SPIRE1: variants seen among roughly 807,000 people sequenced by gnomAD.
SPIRE1 encodes spire type actin nucleation factor 1.
Under a neutral mutation model 94.1 loss-of-function variants are expected in SPIRE1, and 40 were observed. The ratio of observed to expected loss-of-function variants is 0.43; its 90% CI spans 0.33 to 0.55. SPIRE1 has a LOEUF of 0.55. SPIRE1 is among the 20% of genes least tolerant of loss of function. The pLI is 0.06. For synonymous variants in SPIRE1, 376 were observed against 371.7 expected (o/e 1.01, Z -0.13); for missense variants, 838 against 975.2 (o/e 0.86, Z 1.87).
intron 4 of SPIRE1, among the ~76,000 whole-genome samples, chr18:12,528,557 T>C (rs1349864702): frequency 5.9e-5 from 9 of 151,998 alleles, no homozygotes; most frequent in Admixed American, 3.3e-4. Context: ...CCAGCACACA[T>C]AGGGCAGGGA....
At chr18:12,547,015 A>T in intron 2 of SPIRE1, 111 bp from the exon 3 acceptor site, 1 of 639,962 alleles carries the variant, frequency 1.6e-6, no homozygotes, top group Admixed American at 3.0e-5. Context: ...AACATACAAC[A>T]CATACACAAA....
At chr18:12,467,363 C>T (rs1304149284) in intron 10 of SPIRE1, among the ~76,000 whole-genome samples, 1 of 152,198 alleles carries the variant, frequency 6.6e-6, no homozygotes, top group East Asian at 1.9e-4. Context: ...AAATCAAGCA[C>T]TGTAAGCAAA....
At chr18:12,610,202 C>T (rs2037099121) in intron 2 of SPIRE1, among the ~76,000 whole-genome samples, 1 of 152,150 alleles carries the variant, frequency 6.6e-6, no homozygotes, top group Non-Finnish European at 1.5e-5. Context: ...ACTCTTCTCT[C>T]TCAATTCTTG....
At chr18:12,598,013 T>A (rs2036726900) in intron 2 of SPIRE1, among the ~76,000 whole-genome samples, 2 of 152,158 alleles carry the variant, frequency 1.3e-5, no homozygotes. Flanking sequence ...GTTCACATAC[T>A]TTGGATTTTT....
At chr18:12,608,711 T>C (rs2037055460) in intron 2 of SPIRE1, among the ~76,000 whole-genome samples, 1 of 152,222 alleles carries the variant, frequency 6.6e-6, no homozygotes, top group African/African-American at 2.4e-5. Context: ...AATAAAGCTT[T>C]ACATTAAGGT....
intron 3 of SPIRE1, among the ~76,000 whole-genome samples, chr18:12,540,243 C>T (rs1249922379): frequency 6.6e-6 from 1 of 152,092 alleles, no homozygotes; most frequent in Admixed American, 6.5e-5. Flanking sequence ...TTTGGTAATC[C>T]TAGACTTGTT....
At chr18:12,490,187 A>C (rs978602549) in intron 8 of SPIRE1, among the ~76,000 whole-genome samples, 2 of 152,208 alleles carry the variant, frequency 1.3e-5, no homozygotes, top group Admixed American at 1.3e-4. Context: ...GTGAAATACC[A>C]ATTGTCAAGG....
intron 2 of SPIRE1, among the ~76,000 whole-genome samples, chr18:12,627,179 A>G (rs1242386261): frequency 2.0e-5 from 3 of 152,116 alleles, no homozygotes; most frequent in Non-Finnish European, 2.9e-5. Flanking sequence ...ACCCATTTAC[A>G]TTAGGTATTT....
At chr18:12,519,451 C>G (rs2034297382) in intron 4 of SPIRE1, among the ~76,000 whole-genome samples, 1 of 152,166 alleles carries the variant, frequency 6.6e-6, no homozygotes, top group Non-Finnish European at 1.5e-5. Flanking sequence ...TGACTCTGCT[C>G]TACATAGCTG....
At chr18:12,480,118 A>G (rs1036597746) in intron 9 of SPIRE1, among the ~76,000 whole-genome samples, 3 of 152,218 alleles carry the variant, frequency 2.0e-5, no homozygotes, top group African/African-American at 4.8e-5. Flanking sequence ...AATCCTACAG[A>G]TAACTGACTC....
intron 12 of SPIRE1, 77 bp downstream of exon 12, chr18:12,463,274 C>G: frequency 7.3e-7 from 1 of 1,370,254 alleles, no homozygotes; most frequent in Non-Finnish European, 9.7e-7. Flanking sequence ...TTCTCCTTAT[C>G]ATCTTCATAA....
chr18:12,561,248 A>G (rs1012612064), intron 2 of SPIRE1, among the ~76,000 whole-genome samples: 2 of 151,940 alleles, frequency 1.3e-5, no homozygotes, highest in Non-Finnish European at 2.9e-5. Flanking sequence ...TTAAAATATA[A>G]AACAAACTAG....
chr18:12,635,002 G>A (rs1406122928), intron 2 of SPIRE1, 60 bp downstream of exon 2: 2 of 903,744 alleles, frequency 2.2e-6, no homozygotes, highest in East Asian at 5.3e-5. Context: ...CAGTACTCAA[G>A]TTAGTCTAAA....
chr18:12,621,828 C>A (rs941715704), intron 2 of SPIRE1, among the ~76,000 whole-genome samples: 2 of 151,964 alleles, frequency 1.3e-5, no homozygotes, highest in African/African-American at 4.8e-5. Context: ...AACTTGCATG[C>A]TTTGTGAATT....
At chr18:12,658,146 G>A, upstream of SPIRE1, 1 of 962,944 alleles carries the variant, frequency 1.0e-6, no homozygotes, top group Non-Finnish European at 1.3e-6. Flanking sequence ...GCGCCGTCCA[G>A]CGCCGCCCAG....
At chr18:12,492,879 T>A (rs574412496) in intron 8 of SPIRE1, among the ~76,000 whole-genome samples, 193 bp downstream of exon 8, 1 of 152,072 alleles carries the variant, frequency 6.6e-6, no homozygotes, top group African/African-American at 2.4e-5. Context: ...AAATTTCAAG[T>A]AAGTGTGAGG....
In SPIRE1 at chr18:12,504,379, C is replaced by T. The variant is rs566740721; in HGVS notation, c.972+2098G>A. ...AAAATTAGCCAGGCGTGGTGGCATG[C>T]GCCTGTAATCCTAGCTACTTGGGAG... On this transcript the variant is annotated intron_variant, in intron 6 of 16. Transcript: ENST00000409402. Among the ~76,000 whole-genome samples, 154 of 117,540 alleles carry T rather than the reference C, an allele frequency of 1.3e-3. 13 individuals are homozygous for T. The highest frequency in any genetic ancestry group is 9.3e-3 in the South Asian group (43 of 4,634). The allele number at this position is 117,540 out of a possible 152,430, so 77.1% of individuals were successfully genotyped here.
chr18:12,496,086 G>A lies in SPIRE1; in HGVS notation c.989C>T (p.Pro330Leu), dbSNP rs1254691182. ...LRKVMVNGDI[P>L]PRLKKSAHEI... ...ATGAGCACTCTTTTTTAACCGAGGG[G>A]GAATATCACCATTCACCTAAAAGGA... is the stretch of plus-strand genomic sequence containing the variant. The change falls in exon 7 of 17, where the codon CCC becomes CTC. Residue 330 changes from proline (P) to leucine (L), a missense_variant. Pro to Leu is a moderately conservative substitution (Grantham distance 98). Around this residue, in one of 2 missense-constraint regions of SPIRE1, gnomAD observed 645 missense variants for 804.7 expected, o/e 0.80. Transcript: ENST00000409402. 4 of 1,612,952 alleles carry A rather than the reference G, an allele frequency of 2.5e-6. No homozygotes were observed. Among genetic ancestry groups the A allele is most frequent in the Middle Eastern group, 1.7e-4 (1 of 6,060 alleles).
Position 12,658,100 on chromosome 18 carries a change from T to C in SPIRE1, c.-234A>G. 1 of 960,726 alleles carries C rather than the reference T, an allele frequency of 1.0e-6. No individual in the cohort carries two copies. The highest frequency in any genetic ancestry group is 1.2e-6 in the Non-Finnish European group (1 of 809,260). The allele number at this position is 960,726 out of a possible 1,614,324, so 59.5% of individuals were successfully genotyped here. The stretch of plus-strand genomic sequence containing the variant: ...CAGCCGCCGGCCGGTAGCGACGCGA[T>C]GGCGTCCGGCGCCCCGCCCCGCCCC... On this transcript the variant is annotated 5_prime_UTR_variant, in exon 1 of 17. Transcript: ENST00000409402.
Sources: allele counts gnomAD v4.1 joint callset (sites outside exome capture counted in the v4.1 genomes callset), GRCh38; gene constraint gnomAD v4.1.1; regional missense constraint gnomAD v4.1.1; transcripts MANE v1.5; gene names NCBI Gene and HGNC (gene_info 2026-07-23, HGNC 2026-07-21).